Variants in SDK2 observed in about 807,000 individuals in gnomAD.
SDK2 encodes the protein sidekick cell adhesion molecule 2.
A neutral mutation model predicts 253.9 loss-of-function variants in SDK2; 105 were observed. That is an observed-to-expected ratio of 0.41 (90% CI 0.35 to 0.49). SDK2 has a LOEUF of 0.49. Ranked by LOEUF, SDK2 falls within the 20% of genes least tolerant of loss-of-function variation. The pLI, the probability that SDK2 is intolerant of heterozygous loss-of-function variation, is 0.06. For missense variants in SDK2, 2,608 were observed against 3,003.0 expected, an observed-to-expected ratio of 0.87 and a Z score of 3.07; for synonymous variants, 1,249 against 1,234.9, an observed-to-expected ratio of 1.01 and a Z score of -0.24.
intron 12 of SDK2, among the ~76,000 whole-genome samples, chr17:73,427,460 G>C (rs2063292158): frequency 6.6e-6 from 1 of 152,146 alleles, no homozygotes; most frequent in South Asian, 2.1e-4. Context: ...GTCATGACAA[G>C]ACCATATGGC....
At chr17:73,372,455 T>C (rs2062742159) in intron 36 of SDK2, among the ~76,000 whole-genome samples, 1 of 152,198 alleles carries the variant, frequency 6.6e-6, no homozygotes, top group Non-Finnish European at 1.5e-5. Context: ...GATGAATAAA[T>C]GCCTTATGTG....
intron 1 of SDK2, among the ~76,000 whole-genome samples, chr17:73,523,932 C>T (rs1242347108): frequency 6.6e-6 from 1 of 152,202 alleles, no homozygotes; most frequent in Non-Finnish European, 1.5e-5. Context: ...ACATCTTGGT[C>T]ATTTCTGTAC....
rs182881535 is a variant in SDK2 at position 73,487,484 on chromosome 17, T to C, written c.225-15266A>G. On this transcript the variant is annotated intron_variant, in intron 2 of 44. Transcript: ENST00000392650. The stretch of plus-strand genomic sequence containing the variant: ...GTTCAGCCAGCAGGCAACTGACAGA[T>C]GGGGCGGGAGGGCCAGGGTAAGAGG... Among the ~76,000 whole-genome samples the C allele has an allele frequency of 7.0e-3, 1,065 of 152,100 alleles. 10 individuals are homozygous for C. The highest frequency in any genetic ancestry group is 0.024 in the African/African-American group (1,009 of 41,476).
At chr17:73,532,437 G>A (rs1174581474) in intron 1 of SDK2, among the ~76,000 whole-genome samples, 1 of 152,186 alleles carries the variant, frequency 6.6e-6, no homozygotes, top group Admixed American at 6.5e-5. Context: ...AGGAGGCCTG[G>A]GCTGCGAAGA....
intron 6 of SDK2, among the ~76,000 whole-genome samples, chr17:73,439,183 C>T (rs897652455): frequency 2.0e-5 from 3 of 152,172 alleles, no homozygotes; most frequent in Non-Finnish European, 4.4e-5. Context: ...CCATAAGACA[C>T]GCTGGCTCCC....
chr17:73,371,521 T>C (rs943862892), intron 36 of SDK2, among the ~76,000 whole-genome samples: 1 of 152,154 alleles, frequency 6.6e-6, no homozygotes, highest in Non-Finnish European at 1.5e-5. Context: ...AGGAAGAGCT[T>C]CGGTGGGGTG....
chr17:73,430,505 C>A lies in SDK2; in HGVS notation c.1583+6G>T. 6.2e-7 allele frequency: 1 copy of A among 1,600,018 alleles called. No individual in the cohort carries two copies. Among genetic ancestry groups the A allele is most frequent in the Middle Eastern group, 1.7e-4 (1 of 6,042 alleles). On this transcript the variant is annotated splice_donor_region_variant and intron_variant, in intron 12 of 44. Transcript: ENST00000392650. Reference sequence around the variant, plus strand: ...TCTTGCCTGGAGTCAACAGCAGAGCCAGTACCTGATGGTTACTCGGGGGTC... The same window carrying A: ...TCTTGCCTGGAGTCAACAGCAGAGCAAGTACCTGATGGTTACTCGGGGGTC...
chr17:73,393,607 TC>T lies in SDK2; in HGVS notation c.3850del (p.Asp1284ThrfsTer36). On this transcript the variant is annotated frameshift_variant, in exon 27 of 45. Coordinates refer to ENST00000392650, the MANE Select transcript of SDK2 (RefSeq NM_001144952.2). LOFTEE classifies it high-confidence loss of function. ...VQVLAFTRIGDGSPSHPPILE... is the reference protein window; with the variant it reads ...VQVLAFTRIGXGSPSHPPILE... ...GATGGGAGGGTGGCTGGGGCTGCCG[TC>T]CCCGATGCGTGTGAAGGCCAGCACC... 6.3e-7 allele frequency: 1 copy of T among 1,585,668 alleles called. No individual in the cohort carries two copies. The highest frequency in any genetic ancestry group is 8.6e-7 in the Non-Finnish European group (1 of 1,159,964).
At chr17:73,438,631 AAGACAGAC>A (rs34644814) in intron 6 of SDK2, among the ~76,000 whole-genome samples, 6 of 146,654 alleles carry the variant, frequency 4.1e-5, no homozygotes, top group East Asian at 2.0e-4. Context: ...AAGGGCAGAC[AAGACAGAC>A]AGACAGACAG....
At position 73,534,869 on chromosome 17, in the gene SDK2, T is replaced by C. The variant is rs1338314746; in HGVS notation, c.65-27272A>G. Among the ~76,000 whole-genome samples, 1 of 152,118 alleles carries C rather than the reference T, an allele frequency of 6.6e-6. No homozygotes were observed. The highest frequency in any genetic ancestry group is 2.4e-5 in the African/African-American group (1 of 41,426). Reference sequence around the variant, plus strand: ...ACTCCTTTGCATCTTCTAGGCCTCCTTGTGGGGATACTGGATACTCTGCGA... The same window carrying C: ...ACTCCTTTGCATCTTCTAGGCCTCCCTGTGGGGATACTGGATACTCTGCGA... On this transcript the variant is annotated intron_variant, in intron 1 of 44. Transcript: ENST00000392650. This position sits in a 1 kb window ranked among gnomAD's most constrained non-coding sequence, Gnocchi z 4.9.
intron 44 of SDK2, among the ~76,000 whole-genome samples, chr17:73,341,173 C>T (rs1461040093): frequency 6.6e-6 from 1 of 151,392 alleles, no homozygotes; most frequent in African/African-American, 2.4e-5. Context: ...AATTACACCA[C>T]ACCCAGCCTG....
chr17:73,385,854 C>T lies in SDK2; in HGVS notation c.4562G>A (p.Arg1521Gln), dbSNP rs766490350. 1.6e-5 allele frequency: 26 copies of T among 1,606,834 alleles called. No homozygotes were observed. Among genetic ancestry groups the T allele is most frequent in the South Asian group, 5.6e-5 (5 of 88,912 alleles). ...CTGCCCGCTGGGCCATACCTGCCAT[C>T]GGATTAGCACGGAGGTGGTGGTGTG... Reference protein sequence around the residue: ...TPHTTTSVLIRWQPPAEDKIN... With the variant: ...TPHTTTSVLIQWQPPAEDKIN... The change falls in exon 32 of 45, where the codon CGA becomes CAA. Residue 1521 changes from arginine to glutamine, a missense_variant. Around this residue, in one of 2 missense-constraint regions of SDK2, gnomAD observed 1,103 missense variants for 1,143.9 expected, o/e 0.96. Coordinates refer to ENST00000392650, the MANE Select transcript of SDK2 (RefSeq NM_001144952.2).
intron 1 of SDK2, among the ~76,000 whole-genome samples, chr17:73,525,874 AATTC>A (rs2064121575): frequency 6.6e-6 from 1 of 152,212 alleles, no homozygotes; most frequent in African/African-American, 2.4e-5. Context: ...CTCAAAGGTC[AATTC>A]ATTCATTCAG....
intron 29 of SDK2, among the ~76,000 whole-genome samples, chr17:73,388,412 A>G (rs1568377370): frequency 6.6e-6 from 1 of 152,158 alleles, no homozygotes; most frequent in Admixed American, 6.5e-5. Context: ...TTGTTTCCCT[A>G]CGAGAAGCGC....
rs199798771 is a variant in SDK2 at position 73,423,552 on chromosome 17, C to T, written c.1761-30G>A. 13 of 1,505,730 alleles carry T rather than the reference C, an allele frequency of 8.6e-6. No individual in the cohort carries two copies. The Admixed American group carries it at 2.7e-4, about 31-fold the overall frequency. The allele number at this position is 1,505,730 out of a possible 1,614,324, so 93.3% of individuals were successfully genotyped here. ...AAAAGAGACACGTGGTCAGGCATCC[C>T]TATGTGGTCTGCAGGCAGGTGACGG... is the stretch of plus-strand genomic sequence containing the variant. On this transcript the variant is annotated intron_variant, in intron 13 of 44. Coordinates refer to ENST00000392650, the MANE Select transcript of SDK2 (RefSeq NM_001144952.2).
intron 16 of SDK2, among the ~76,000 whole-genome samples, chr17:73,418,710 C>A (rs1028701883): frequency 3.3e-5 from 5 of 152,128 alleles, no homozygotes; most frequent in African/African-American, 9.7e-5. Flanking sequence ...CAGTCAAATG[C>A]AAAGATAAGG....
At chr17:73,449,864 G>A (rs2063479435) in intron 4 of SDK2, among the ~76,000 whole-genome samples, 1 of 151,912 alleles carries the variant, frequency 6.6e-6, no homozygotes, top group African/African-American at 2.4e-5. Flanking sequence ...CAGAGGTTGC[G>A]GCCAGCCGAG....
At chr17:73,353,700 ATTTTT>A (rs11370066) in intron 40 of SDK2, among the ~76,000 whole-genome samples, 5 of 97,222 alleles carry the variant, frequency 5.1e-5, no homozygotes, top group African/African-American at 8.4e-5. Context: ...TGCCTGGCCA[ATTTTT>A]TTTTTTTTTT....
intron 2 of SDK2, among the ~76,000 whole-genome samples, chr17:73,473,309 A>G (rs924162905): frequency 2.0e-5 from 3 of 152,228 alleles, no homozygotes; most frequent in African/African-American, 7.2e-5. Flanking sequence ...AGCTTCTGAC[A>G]GTGGGACAGG....
Sources: allele counts gnomAD v4.1 joint callset (sites outside exome capture counted in the v4.1 genomes callset), GRCh38; gene constraint gnomAD v4.1.1; regional missense constraint gnomAD v4.1.1; non-coding constraint Gnocchi (gnomAD v3.1); transcripts MANE v1.5; gene names NCBI Gene and HGNC (gene_info 2026-07-23, HGNC 2026-07-21).